The following HAP1 variants were observed in gnomAD, a reference collection of about 807,000 sequenced individuals.
HAP1 encodes huntingtin-associated protein 1.
A neutral mutation model predicts 60.3 loss-of-function variants in HAP1; 59 were observed. The ratio of observed to expected loss-of-function variants is 0.98; its 90% CI spans 0.79 to 1.22. The LOEUF (loss-of-function observed/expected upper bound fraction) is 1.22. HAP1 is among the 50% of genes most tolerant of loss of function. The probability of loss-of-function intolerance (pLI) is 0.00; values close to 1 mark genes in which losing one functional copy is unlikely to be tolerated. For synonymous variants in HAP1, 346 were observed against 330.6 expected (o/e 1.05, Z -0.50); for missense variants, 825 against 785.3 (o/e 1.05, Z -0.60).
In HAP1 at chr17:41,732,804, G is replaced by A. The variant is rs782779547; in HGVS notation, c.470-6C>T. On this transcript the variant is annotated splice_region_variant and splice_polypyrimidine_tract_variant and intron_variant, in intron 1 of 10. Coordinates refer to ENST00000347901, the MANE Select transcript of HAP1 (RefSeq NM_177977.3). ...AGGTAGGTTAGGACACAGTGCTGCA[G>A]GAGGCGGCAGGTGGGGAGAAAAGGC... 5.7e-6 allele frequency: 9 copies of A among 1,567,406 alleles called. No individual in the cohort carries two copies. Among genetic ancestry groups the A allele is most frequent in the Non-Finnish European group, 6.2e-6 (7 of 1,137,476 alleles).
intron 7 of HAP1, 25 bp from the exon 8 acceptor site, chr17:41,727,861 C>G (rs1911798351): frequency 6.8e-7 from 1 of 1,461,642 alleles, no homozygotes; most frequent in African/African-American, 1.4e-5. Flanking sequence ...AACCAGTGAA[C>G]CCCCATCTGA....
chr17:41,724,884 G>A lies in HAP1; in HGVS notation c.1677C>T (p.Ala559=). 2 of 1,613,686 alleles carry A rather than the reference G, an allele frequency of 1.2e-6. No individual in the cohort carries two copies. The highest frequency in any genetic ancestry group is 1.7e-6 in the Non-Finnish European group (2 of 1,179,976). ...EATRMNVVTS[A]LEASGLGPSH... is the part of the protein sequence containing the mutation. ...AAGGGCCCAAGCCGCTGGCCTCCAG[G>A]GCTGATGTCACCACGTTCATCCGCG... The change falls in exon 11 of 11, where the codon GCC becomes GCT. Residue 559 remains alanine, a synonymous_variant. Coordinates refer to ENST00000347901, the MANE Select transcript of HAP1 (RefSeq NM_177977.3).
At chr17:41,718,251 C>T (rs1042467427), downstream of HAP1, 8 of 238,230 alleles carry the variant, frequency 3.4e-5, no homozygotes, top group Admixed American at 3.3e-4. Context: ...AGAATTCAGG[C>T]TCACAGAGCA....
chr17:41,729,762 G>A (rs1185135240), intron 6 of HAP1, among the ~76,000 whole-genome samples: 1 of 149,132 alleles, frequency 6.7e-6, no homozygotes, highest in East Asian at 2.0e-4. Flanking sequence ...TGTAATCCCA[G>A]CTACTCAGGA....
In HAP1 at chr17:41,727,812, G is replaced by A. The variant is rs782391028; in HGVS notation, c.1225C>T (p.Gln409Ter). 3 of 1,611,134 alleles carry A rather than the reference G, an allele frequency of 1.9e-6. No homozygotes were observed. Among genetic ancestry groups the A allele is most frequent in the Admixed American group, 1.7e-5 (1 of 60,018 alleles). The change falls in exon 8 of 11, where the codon CAG becomes TAG. Residue 409 changes from glutamine to a stop codon, truncating the protein, a stop_gained. Coordinates refer to ENST00000347901, the MANE Select transcript of HAP1 (RefSeq NM_177977.3). LOFTEE classifies it high-confidence loss of function. ...RMYGAETEKL[Q>*]KQLASEKEIQ... is the part of the protein sequence containing the mutation. ...TCCTTCTCCGAAGCCAGCTGCTTCT[G>A]CAACTTTTCAGTCTCAGCCCCATAC... is the stretch of plus-strand genomic sequence containing the variant.
chr17:41,718,015 T>A (rs7218465), downstream of HAP1: 398,023 of 468,908 alleles, frequency 0.85, 169,786 homozygotes, highest in Middle Eastern at 0.93. Context: ...TCTTAGGTCC[T>A]CGGCTGGGGC....
At chr17:41,717,780 C>T (rs1911037533), downstream of HAP1, 4 of 277,396 alleles carry the variant, frequency 1.4e-5, no homozygotes, top group Admixed American at 1.6e-4. Context: ...TCGGGCAAAA[C>T]AGGAAACTGG....
At position 41,734,572 on chromosome 17, in the gene HAP1, T is replaced by G; in HGVS notation, c.63A>C (p.Ala21=). The G allele has an allele frequency of 6.3e-7, 1 of 1,597,286 alleles. No homozygotes were observed. Among genetic ancestry groups the G allele is most frequent in the Non-Finnish European group, 8.5e-7 (1 of 1,172,548 alleles). The stretch of plus-strand genomic sequence containing the variant: ...AGGGCGAAGGTGCACAGGTGAGTGC[T>G]GCTGGGTCCCCGGGTCCGAGCCGGC... ...AGSRLGPGDP[A]ALTCAPSPSA... The change falls in exon 1 of 11, where the codon GCA becomes GCC. Residue 21 remains alanine, a synonymous_variant. Transcript: ENST00000347901.
At chr17:41,733,054 G>GTTTTTTTTTTTTTTTTTTT (rs71155166) in intron 1 of HAP1, among the ~76,000 whole-genome samples, 1 of 99,076 alleles carries the variant, frequency 1.0e-5, no homozygotes, top group Non-Finnish European at 1.8e-5. Flanking sequence ...TTTTTTTTTG[G>GTTTTTTTTTTTTTTTTTTT]TTTTTTTTTT....
chr17:41,720,470 C>T (rs1567776272), downstream of HAP1, among the ~76,000 whole-genome samples: 2 of 152,210 alleles, frequency 1.3e-5, no homozygotes, highest in South Asian at 2.1e-4. Flanking sequence ...GTTAGGATTA[C>T]AGGCATGAGC....
chr17:41,718,023 G>A (rs781787674), downstream of HAP1: 1 of 468,660 alleles, frequency 2.1e-6, no homozygotes. Flanking sequence ...CCTCGGCTGG[G>A]GCTCTGTTAT....
downstream of HAP1, chr17:41,721,224 C>T (rs1911188995): frequency 6.6e-6 from 1 of 152,316 alleles, no homozygotes; most frequent in African/African-American, 2.4e-5. Context: ...TTTATTTTTA[C>T]TATTCATATA....
rs1046203465 is a variant in HAP1 at position 41,724,487 on chromosome 17, G to A, written c.*214C>T. ...GGCGCAGTGTGGGGGCACAGTCCCA[G>A]CCCTAACCCCCAGCCCAGCCCCCAG... On this transcript the variant is annotated 3_prime_UTR_variant, in exon 11 of 11. Coordinates refer to ENST00000347901, the MANE Select transcript of HAP1 (RefSeq NM_177977.3). 16 of 584,852 alleles carry A rather than the reference G, an allele frequency of 2.7e-5. No individual in the cohort carries two copies. Among genetic ancestry groups the A allele is most frequent in the African/African-American group, 9.3e-5 (5 of 53,692 alleles). The allele number at this position is 584,852 out of a possible 1,614,324, so 36.2% of individuals were successfully genotyped here. A position where few individuals can be genotyped will look rare whatever the true frequency, so the allele number is the denominator to read the frequency against.
chr17:41,725,940 G>T, intron 9 of HAP1, 43 bp from the exon 10 acceptor site: 1 of 1,429,856 alleles, frequency 7.0e-7, no homozygotes, highest in South Asian at 1.1e-5. Flanking sequence ...AATGGAAGCC[G>T]AAACTGCAGT....
intron 6 of HAP1, among the ~76,000 whole-genome samples, chr17:41,729,154 T>C (rs1911920947): frequency 6.8e-6 from 1 of 146,752 alleles, no homozygotes; most frequent in Non-Finnish European, 1.5e-5. Flanking sequence ...TTGGCCAGGC[T>C]GGTCTCAAAC....
At chr17:41,730,202 A>T (rs1440740451) in intron 6 of HAP1, 2 of 151,250 alleles carry the variant, frequency 1.3e-5, no homozygotes, top group African/African-American at 2.4e-5. Context: ...CCTATTACTG[A>T]TCAGCATGGG....
chr17:41,718,331 T>A (rs142293259), downstream of HAP1: 1 of 189,208 alleles, frequency 5.3e-6, no homozygotes, highest in African/African-American at 2.3e-5. Context: ...CAAGGGTGGC[T>A]AACTGTGTGT....
intron 10 of HAP1, 58 bp downstream of exon 10, chr17:41,725,801 G>C (rs1465913005): frequency 1.5e-6 from 2 of 1,311,428 alleles, no homozygotes; most frequent in Admixed American, 1.7e-5. Context: ...GAGGCAGGTG[G>C]GCTGTCTGGC....
downstream of HAP1, chr17:41,721,970 TG>T (rs1407136625): frequency 5.9e-5 from 9 of 151,450 alleles, no homozygotes; most frequent in African/African-American, 1.9e-4. Flanking sequence ...CTCTGCCTCC[TG>T]GGTTCAAGTG....
Sources: allele counts gnomAD v4.1 joint callset (sites outside exome capture counted in the v4.1 genomes callset), GRCh38; gene constraint gnomAD v4.1.1; transcripts MANE v1.5; gene names NCBI Gene and HGNC (gene_info 2026-07-23, HGNC 2026-07-21).